Variants in ZFHX4 observed in about 807,000 individuals in gnomAD.
ZFHX4 encodes the protein zinc finger homeobox protein 4.
Under a neutral mutation model 267.6 loss-of-function variants are expected in ZFHX4, and 56 were observed. The ratio of observed to expected loss-of-function variants is 0.21; its 90% CI spans 0.17 to 0.26. ZFHX4 has a LOEUF of 0.26. ZFHX4 is among the 10% of genes least tolerant of loss of function. The probability of loss-of-function intolerance (pLI) is 1.00; values close to 1 mark genes in which losing one functional copy is unlikely to be tolerated. For synonymous variants in ZFHX4, 1,778 were observed against 1,665.6 expected, an observed-to-expected ratio of 1.07 and a Z score of -1.64; for missense variants, 4,332 against 4,420.0, an observed-to-expected ratio of 0.98 and a Z score of 0.56.
At chr8:76,786,552 A>G (rs764887249) in intron 4 of ZFHX4, among the ~76,000 whole-genome samples, 11 of 152,046 alleles carry the variant, frequency 7.2e-5, no homozygotes, top group Non-Finnish European at 1.3e-4. Flanking sequence ...AGAAGTGTTG[A>G]TATTTTAATA....
At chr8:76,857,676 C>T (rs564258143) in intron 10 of ZFHX4, among the ~76,000 whole-genome samples, 1 of 152,096 alleles carries the variant, frequency 6.6e-6, no homozygotes, top group South Asian at 2.1e-4. Context: ...CTGCCATGTC[C>T]CTTCCTTGAA....
intron 3 of ZFHX4, among the ~76,000 whole-genome samples, chr8:76,752,724 A>G (rs1206027098): frequency 2.0e-5 from 3 of 151,988 alleles, no homozygotes; most frequent in African/African-American, 7.2e-5. Context: ...TGCCCCCCAC[A>G]TTTAGCAGTA....
chr8:76,739,892 C>T (rs966401443), intron 3 of ZFHX4, among the ~76,000 whole-genome samples: 3 of 152,080 alleles, frequency 2.0e-5, no homozygotes, highest in Admixed American at 2.0e-4. Flanking sequence ...CTTCTTCTTA[C>T]CTCCTGAAAA....
chr8:76,816,483 G>A (rs536969995), intron 4 of ZFHX4, among the ~76,000 whole-genome samples: 40 of 152,242 alleles, frequency 2.6e-4, no homozygotes, highest in Non-Finnish European at 5.1e-4. Flanking sequence ...AGCTCCTTGA[G>A]GGCACAAGAA....
intron 3 of ZFHX4, among the ~76,000 whole-genome samples, chr8:76,713,606 T>C (rs1039358353): frequency 6.6e-6 from 1 of 152,192 alleles, no homozygotes; most frequent in Non-Finnish European, 1.5e-5. Context: ...ACCTAGGTCT[T>C]CTCTTCATGG....
chr8:76,859,134 G>T (rs1812804887), intron 10 of ZFHX4, among the ~76,000 whole-genome samples: 1 of 152,188 alleles, frequency 6.6e-6, no homozygotes, highest in African/African-American at 2.4e-5. Context: ...ATTTTGGGAG[G>T]TAGAATTGTT....
Position 76,856,082 on chromosome 8 carries a change from C to T in ZFHX4, c.9161C>T (p.Thr3054Met), listed in dbSNP as rs1207983519. ...DREKDYLAPT[T>M]VRQLMAQQEL... is the part of the protein sequence containing the mutation. Reference sequence around the variant, plus strand: ...GAGAAAGATTACTTGGCTCCGACCACGGTTCGGCAGCTGATGGCACAGCAA... The same window carrying T: ...GAGAAAGATTACTTGGCTCCGACCATGGTTCGGCAGCTGATGGCACAGCAA... Residue 3054 changes from threonine (T) to methionine (M), a missense_variant, in exon 10 of 11, where the codon ACG (threonine) becomes ATG (methionine). Thr to Met is a moderately conservative substitution (Grantham distance 81). Coordinates refer to ENST00000651372, the MANE Select transcript of ZFHX4 (RefSeq NM_024721.5). 3.7e-6 allele frequency: 6 copies of T among 1,613,838 alleles called. No homozygotes were observed. Among genetic ancestry groups the T allele is most frequent in the East Asian group, 2.2e-5 (1 of 44,880 alleles).
intron 4 of ZFHX4, among the ~76,000 whole-genome samples, chr8:76,804,690 A>C (rs1811202527): frequency 6.6e-6 from 1 of 151,948 alleles, no homozygotes. Flanking sequence ...CATGGAAGAG[A>C]GAAATTAATT....
intron 1 of ZFHX4, among the ~76,000 whole-genome samples, chr8:76,702,042 G>T (rs1318650855): frequency 3.3e-5 from 5 of 152,068 alleles, no homozygotes; most frequent in Admixed American, 2.6e-4. Flanking sequence ...TATTTGTGCA[G>T]AATTGGCAAA....
intron 3 of ZFHX4, among the ~76,000 whole-genome samples, chr8:76,720,213 T>G (rs1283595574): frequency 6.6e-6 from 1 of 152,098 alleles, no homozygotes; most frequent in Non-Finnish European, 1.5e-5. Context: ...CTAATTGCTT[T>G]TTGTCTCTAT....
At chr8:76,748,701 G>A (rs192629178) in intron 3 of ZFHX4, among the ~76,000 whole-genome samples, 12 of 152,246 alleles carry the variant, frequency 7.9e-5, no homozygotes, top group East Asian at 7.7e-4. Context: ...CTCTCAAAGC[G>A]TGTCTTTTCT....
At chr8:76,709,802 C>CGTGTGTGT (rs34448728) in intron 3 of ZFHX4, among the ~76,000 whole-genome samples, 8 of 140,090 alleles carry the variant, frequency 5.7e-5, no homozygotes, top group Non-Finnish European at 1.1e-4. Flanking sequence ...CGTGTGTGTG[C>CGTGTGTGT]GTGTGTGTGT....
Position 76,706,285 on chromosome 8 carries a change from G to C in ZFHX4, c.2197G>C (p.Gly733Arg). 1 of 1,614,080 alleles carries C rather than the reference G, an allele frequency of 6.2e-7. No individual in the cohort carries two copies. The highest frequency in any genetic ancestry group is 1.1e-5 in the South Asian group (1 of 91,080). The change falls in exon 2 of 11, where the codon GGC (glycine) becomes CGC (arginine). Residue 733 changes from glycine to arginine, a missense_variant. By Grantham distance (125) the Gly-to-Arg change is moderately radical (BLOSUM62 -2). Transcript: ENST00000651372. ...GAACAATGTTCAGAATCTCCAAAAT[G>C]GCAATGGTGAGCAGGTGTTTGGCCA... ...HLNNVQNLQN[G>R]NGEQVFGHSA...
intron 3 of ZFHX4, among the ~76,000 whole-genome samples, chr8:76,767,904 A>T (rs1810092631): frequency 6.6e-6 from 1 of 152,222 alleles, no homozygotes; most frequent in South Asian, 2.1e-4. Context: ...ATTGGAATAA[A>T]TAATGCATGT....
intron 10 of ZFHX4, among the ~76,000 whole-genome samples, chr8:76,858,735 A>G (rs1398745091): frequency 6.6e-6 from 1 of 152,194 alleles, no homozygotes; most frequent in South Asian, 2.1e-4. Context: ...TCTTTGCTTA[A>G]TGGGAGAGAT....
At chr8:76,818,502 G>A (rs916366949) in intron 4 of ZFHX4, among the ~76,000 whole-genome samples, 1 of 152,210 alleles carries the variant, frequency 6.6e-6, no homozygotes, top group African/African-American at 2.4e-5. Context: ...GAATGGCGTT[G>A]TTGAAGAGCT....
intron 3 of ZFHX4, among the ~76,000 whole-genome samples, chr8:76,711,322 T>G (rs77491233): frequency 0.047 from 7,084 of 152,252 alleles, 350 homozygotes; most frequent in East Asian, 0.24. Context: ...GAAATTTGAT[T>G]GATGAAACAA....
chr8:76,772,439 A>C (rs1810287913), intron 3 of ZFHX4, among the ~76,000 whole-genome samples: 1 of 152,176 alleles, frequency 6.6e-6, no homozygotes, highest in Non-Finnish European at 1.5e-5. Flanking sequence ...GGTGGACACA[A>C]ACATAATTAA....
chr8:76,864,560 G>A lies in ZFHX4; in HGVS notation c.10846G>A (p.Val3616Met). 1 of 1,553,614 alleles carries A rather than the reference G, an allele frequency of 6.4e-7. No homozygotes were observed. The highest frequency in any genetic ancestry group is 8.7e-7 in the Non-Finnish European group (1 of 1,151,762). The change falls in exon 11 of 11, where the codon GTG becomes ATG. Residue 3616 changes from valine to methionine, a missense_variant. Val to Met is a conservative substitution (Grantham distance 21, BLOSUM62 1). Coordinates refer to ENST00000651372, the MANE Select transcript of ZFHX4 (RefSeq NM_024721.5). ...FNSIRMDMFS[V>M] is the part of the protein sequence containing the mutation. ...TAGCATCCGAATGGATATGTTCAGT[G>A]TGTAGGAGTGAAGACAGGATCCCGT...
Sources: gnomAD v4.1 joint callset for allele counts (sites outside exome capture counted in the v4.1 genomes callset) on GRCh38, gnomAD v4.1.1 for gene constraint, MANE v1.5 for transcripts, NCBI Gene and HGNC (gene_info 2026-07-23, HGNC 2026-07-21) for gene names.